Variants in CTIF observed in about 807,000 individuals in gnomAD.
The protein encoded by CTIF is cap binding complex dependent translation initiation factor.
A neutral mutation model predicts 66.0 loss-of-function variants in CTIF; 21 were observed. That is an observed-to-expected ratio of 0.32 (90% CI 0.23 to 0.46). The LOEUF (loss-of-function observed/expected upper bound fraction) is 0.46, where lower values mean the gene tolerates loss of function less well. Ranked by LOEUF, CTIF falls within the 20% of genes least tolerant of loss-of-function variation. The pLI is 1.00. For missense variants in CTIF, 739 were observed against 812.7 expected (o/e 0.91, Z 1.10); for synonymous variants, 345 against 326.4 (o/e 1.06, Z -0.62).
intron 2 of CTIF, among the ~76,000 whole-genome samples, chr18:48,622,818 G>A (rs1279823173): frequency 6.6e-6 from 1 of 152,142 alleles, no homozygotes; most frequent in Admixed American, 6.5e-5. Context: ...CTGTGGATGG[G>A]CATATGGGCT....
At chr18:48,739,840 C>G (rs940715449) in intron 7 of CTIF, among the ~76,000 whole-genome samples, 1 of 152,190 alleles carries the variant, frequency 6.6e-6, no homozygotes, top group Admixed American at 6.5e-5. Context: ...AATATTTACC[C>G]GTCGGCTCCT....
At chr18:48,655,005 G>A (rs984690707) in intron 3 of CTIF, among the ~76,000 whole-genome samples, 1 of 151,926 alleles carries the variant, frequency 6.6e-6, no homozygotes, top group Non-Finnish European at 1.5e-5. Flanking sequence ...GATAGCATTA[G>A]GATAAATACC....
intron 9 of CTIF, among the ~76,000 whole-genome samples, chr18:48,774,014 G>A (rs575561238): frequency 2.6e-5 from 4 of 152,236 alleles, no homozygotes; most frequent in African/African-American, 7.2e-5. Context: ...TAAAGAGCAG[G>A]CCCCCTTACG....
intron 10 of CTIF, among the ~76,000 whole-genome samples, chr18:48,854,029 A>G (rs1480053497): frequency 6.6e-6 from 1 of 152,174 alleles, no homozygotes; most frequent in Non-Finnish European, 1.5e-5. Flanking sequence ...TTCCTTTTAA[A>G]AATGCAAAAA....
intron 9 of CTIF, among the ~76,000 whole-genome samples, chr18:48,798,632 C>A (rs1266009423): frequency 2.0e-5 from 3 of 152,216 alleles, no homozygotes; most frequent in African/African-American, 7.2e-5. Flanking sequence ...GCACCCCCAC[C>A]TGCAGGCCTT....
intron 1 of CTIF, among the ~76,000 whole-genome samples, chr18:48,618,126 C>G (rs2144387371): frequency 6.6e-6 from 1 of 152,324 alleles, no homozygotes; most frequent in South Asian, 2.1e-4. Context: ...CCCAGCACAC[C>G]ATTCCTTGCC....
chr18:48,664,310 A>C (rs902585433), intron 4 of CTIF, 137 bp from the exon 5 acceptor site: 1 of 730,058 alleles, frequency 1.4e-6, no homozygotes, highest in African/African-American at 1.7e-5. Context: ...CTCCATTCTG[A>C]GTGGGGCTCC....
In CTIF at chr18:48,708,845, C is replaced by A. The variant is rs369515381; in HGVS notation, c.508-2774C>A. Among the ~76,000 whole-genome samples the A allele has an allele frequency of 3.9e-5, 6 of 152,330 alleles. No individual in the cohort carries two copies. The East Asian group carries it at 1.2e-3, about 29-fold the overall frequency. On this transcript the variant is annotated intron_variant, in intron 6 of 11. Coordinates refer to ENST00000256413, the MANE Select transcript of CTIF (RefSeq NM_014772.3). ...CATGGCCTGAGCTTCCCATGCCCTCCCTCCCTGCAAATCACTTCCTGCTGG... is the reference window on the plus strand; with the variant it reads ...CATGGCCTGAGCTTCCCATGCCCTCACTCCCTGCAAATCACTTCCTGCTGG...
At chr18:48,639,540 G>A (rs529995474) in intron 3 of CTIF, among the ~76,000 whole-genome samples, 1 of 152,194 alleles carries the variant, frequency 6.6e-6, no homozygotes, top group Non-Finnish European at 1.5e-5. Context: ...GTGCTGCAGG[G>A]GGAGGCAGGA....
chr18:48,684,471 A>G (rs987069067), intron 6 of CTIF, among the ~76,000 whole-genome samples: 3 of 152,106 alleles, frequency 2.0e-5, no homozygotes, highest in African/African-American at 7.2e-5. Context: ...AATATCTAGT[A>G]TACTATTATT....
At chr18:48,696,421 A>G (rs916270514) in intron 6 of CTIF, among the ~76,000 whole-genome samples, 1 of 152,064 alleles carries the variant, frequency 6.6e-6, no homozygotes, top group Non-Finnish European at 1.5e-5. Flanking sequence ...CTGCCCATCC[A>G]TCGCAGGGTG....
At chr18:48,741,860 A>G (rs963203925) in intron 7 of CTIF, among the ~76,000 whole-genome samples, 2 of 152,162 alleles carry the variant, frequency 1.3e-5, no homozygotes, top group African/African-American at 4.8e-5. Context: ...ACAAGAAGGG[A>G]GCACAGGGCG....
intron 9 of CTIF, among the ~76,000 whole-genome samples, chr18:48,782,008 G>A (rs1911280204): frequency 6.6e-6 from 1 of 152,044 alleles, no homozygotes; most frequent in African/African-American, 2.4e-5. Context: ...TGGGGCTGCT[G>A]ATTAAAGACC....
chr18:48,706,221 T>G (rs779809052), intron 6 of CTIF, among the ~76,000 whole-genome samples: 1 of 152,218 alleles, frequency 6.6e-6, no homozygotes, highest in Non-Finnish European at 1.5e-5. Context: ...GTTGCCTCTC[T>G]CCTTTCATTA....
intron 9 of CTIF, among the ~76,000 whole-genome samples, chr18:48,808,341 A>G (rs925690539): frequency 6.6e-6 from 1 of 152,172 alleles, no homozygotes; most frequent in Non-Finnish European, 1.5e-5. Context: ...AAATTTGAAC[A>G]CACTATTTAT....
intron 7 of CTIF, among the ~76,000 whole-genome samples, chr18:48,722,317 G>T (rs1266143437): frequency 6.7e-6 from 1 of 150,252 alleles, no homozygotes; most frequent in Non-Finnish European, 1.5e-5. Context: ...CTGGGCTCAA[G>T]TGATCCTCCC....
intron 6 of CTIF, among the ~76,000 whole-genome samples, chr18:48,702,751 C>T (rs1189231291): frequency 3.3e-5 from 5 of 152,008 alleles, no homozygotes; most frequent in Non-Finnish European, 7.4e-5. Context: ...GTGAGCCTGC[C>T]CACCCCCGAC....
intron 2 of CTIF, chr18:48,625,163 A>AT (rs2090571732): frequency 1.0e-6 from 1 of 974,060 alleles, no homozygotes; most frequent in African/African-American, 1.8e-5. Flanking sequence ...CCTTAAATTC[A>AT]TTTTTCCTGA....
chr18:48,747,626 A>T (rs1019180176), intron 7 of CTIF, among the ~76,000 whole-genome samples: 8 of 152,030 alleles, frequency 5.3e-5, no homozygotes, highest in Non-Finnish European at 8.8e-5. Flanking sequence ...GGATTTTGCT[A>T]CCAGGGGCTG....
Sources: allele counts gnomAD v4.1 joint callset (sites outside exome capture counted in the v4.1 genomes callset), GRCh38; gene constraint gnomAD v4.1.1; transcripts MANE v1.5; gene names NCBI Gene and HGNC (gene_info 2026-07-23, HGNC 2026-07-21).